The following CKM variants were observed in gnomAD, a reference collection of about 807,000 sequenced individuals.
CKM encodes the protein creatine kinase M-type.
In CKM, 28 loss-of-function variants were observed where a neutral mutation model predicts 35.4. That is an observed-to-expected ratio of 0.79 (90% CI 0.59 to 1.08). The LOEUF is 1.08. Ranked by LOEUF, CKM falls within the 50% of genes least tolerant of loss-of-function variation. The pLI is 0.00. For synonymous variants in CKM, 215 were observed against 204.4 expected (o/e 1.05, Z -0.44); for missense variants, 484 against 509.8 (o/e 0.95, Z 0.49).
intron 5 of CKM, among the ~76,000 whole-genome samples, chr19:45,310,759 CTTTTTTTTTTTTTT>C (rs3047558): frequency 8.0e-5 from 4 of 50,284 alleles, no homozygotes; most frequent in African/African-American, 9.0e-5. Context: ...TCACGCCTGG[CTTTTTTTTTTTTTT>C]TTTTTTTTTT....
Position 45,306,471 on chromosome 19 carries a change from T to C in CKM, c.*279A>G. On this transcript the variant is annotated 3_prime_UTR_variant, in exon 8 of 8. Coordinates refer to ENST00000221476, the MANE Select transcript of CKM (RefSeq NM_001824.5). This position sits in a 1 kb window ranked among gnomAD's most constrained non-coding sequence, Gnocchi z 4.5. ...GTGGAGACAAAGCACAAGCTCCGAGTGTGCTGGGAGCTCTCCATTAACTAG... is the reference window on the plus strand; with the variant it reads ...GTGGAGACAAAGCACAAGCTCCGAGCGTGCTGGGAGCTCTCCATTAACTAG... 1 of 510,618 alleles carries C rather than the reference T, an allele frequency of 2.0e-6. No individual in the cohort carries two copies. The highest frequency in any genetic ancestry group is 3.3e-5 in the East Asian group (1 of 30,180). 31.6% of individuals were successfully genotyped at this position (510,618 alleles called of 1,614,324 possible). A position where few individuals can be genotyped will look rare whatever the true frequency, so the allele number is the denominator to read the frequency against.
Position 45,306,987 on chromosome 19 carries a change from G to A in CKM, c.968-59C>T. The stretch of plus-strand genomic sequence containing the variant: ...AGCGAAGGTGCAGAGGGGCTGGGAC[G>A]TGGCCCCCGTGCCAAATGCAACAGC... On this transcript the variant is annotated intron_variant, in intron 7 of 7. Transcript: ENST00000221476. The surrounding 1 kb of genome is among the most constrained non-coding windows in gnomAD (Gnocchi z 4.5). 6.4e-7 allele frequency: 1 copy of A among 1,568,524 alleles called. No homozygotes were observed.
At chr19:45,318,172 G>T (rs1971178062) in intron 2 of CKM, among the ~76,000 whole-genome samples, 193 bp from the exon 3 acceptor site, 1 of 152,198 alleles carries the variant, frequency 6.6e-6, no homozygotes, top group South Asian at 2.1e-4. Context: ...CTTTGGGAGG[G>T]TGAGGCGGGT....
chr19:45,307,456 C>G lies in CKM; in HGVS notation c.967+5G>C, dbSNP rs748293131. On this transcript the variant is annotated splice_donor_5th_base_variant and intron_variant, in intron 7 of 7. Transcript: ENST00000221476. ...GTCGTGGTGCAAAGGATGTGGGAGC[C>G]GTACCTGTACCCCTCTTCTGCAGAC... is the stretch of plus-strand genomic sequence containing the variant. 6.2e-7 allele frequency: 1 copy of G among 1,613,452 alleles called. No homozygotes were observed. The highest frequency in any genetic ancestry group is 1.7e-5 in the Admixed American group (1 of 59,968).
At chr19:45,308,998 C>T (rs1248616246) in intron 5 of CKM, among the ~76,000 whole-genome samples, 5 of 150,858 alleles carry the variant, frequency 3.3e-5, no homozygotes, top group Non-Finnish European at 7.4e-5. Flanking sequence ...GAGGCCGAGG[C>T]GGGCGGATCA....
Position 45,315,558 on chromosome 19 carries a change from G to C in CKM, c.388C>G (p.Arg130Gly). The change falls in exon 4 of 8, where the codon CGC becomes GGC. Residue 130 changes from arginine to glycine, a missense_variant. Transcript: ENST00000221476. ...TTGATGCTGCGGCCAGTGCGGACGCGGCTGCTGAGCACGTAGTTAGGGTCC... is the reference window on the plus strand; with the variant it reads ...TTGATGCTGCGGCCAGTGCGGACGCCGCTGCTGAGCACGTAGTTAGGGTCC... ...DLDPNYVLSS[R>G]VRTGRSIKGY... 6.2e-7 allele frequency: 1 copy of C among 1,603,814 alleles called. No individual in the cohort carries two copies. Among genetic ancestry groups the C allele is most frequent in the Non-Finnish European group, 8.5e-7 (1 of 1,179,942 alleles).
intron 4 of CKM, among the ~76,000 whole-genome samples, chr19:45,313,035 CAT>C (rs956212587): frequency 2.6e-4 from 39 of 151,522 alleles, no homozygotes; most frequent in African/African-American, 9.5e-4. Context: ...TGTGTTTGTG[CAT>C]ATGTACAATA....
At chr19:45,318,065 T>G in intron 2 of CKM, 86 bp from the exon 3 acceptor site, 2 of 1,195,748 alleles carry the variant, frequency 1.7e-6, no homozygotes, top group Non-Finnish European at 2.5e-6. Flanking sequence ...TGTGTGGACA[T>G]GTGTGTCGGG....
chr19:45,315,621 G>A lies in CKM; in HGVS notation c.349-24C>T, dbSNP rs564342936. 1.2e-5 allele frequency: 20 copies of A among 1,601,302 alleles called. No individual in the cohort carries two copies. In the African/African-American group the frequency reaches 1.5e-4, roughly 12 times the overall value. On this transcript the variant is annotated intron_variant, in intron 3 of 7. Coordinates refer to ENST00000221476, the MANE Select transcript of CKM (RefSeq NM_001824.5). ...CCCTGGAGAGCGGGTGGGAGATCAG[G>A]ACCAGGCAGATCCTCCGCCCTCTCC...
chr19:45,307,043 G>C, intron 7 of CKM, 115 bp from the exon 8 acceptor site: 1 of 1,017,384 alleles, frequency 9.8e-7, no homozygotes, highest in Non-Finnish European at 1.5e-6. Flanking sequence ...TGTGTAACAG[G>C]TTACCTGCAC....
Position 45,312,041 on chromosome 19 carries a change from A to G in CKM, c.482-121T>C. ...TGGGCCTTGGCCCCCTGGATGTCCTAAAGGCACCTGAACCCTGTGTCTAAA... is the reference window on the plus strand; with the variant it reads ...TGGGCCTTGGCCCCCTGGATGTCCTGAAGGCACCTGAACCCTGTGTCTAAA... On this transcript the variant is annotated intron_variant, in intron 4 of 7. Transcript: ENST00000221476. 3 of 1,088,826 alleles carry G rather than the reference A, an allele frequency of 2.8e-6. No homozygotes were observed. In the East Asian group the frequency reaches 7.2e-5, roughly 26 times the overall value. The allele number at this position is 1,088,826 out of a possible 1,614,324, so 67.4% of individuals were successfully genotyped here. A position where few individuals can be genotyped will look rare whatever the true frequency, so the allele number is the denominator to read the frequency against.
Position 45,315,514 on chromosome 19 carries a change from TG to T in CKM, c.431del (p.Pro144HisfsTer22). 1 of 1,600,942 alleles carries T rather than the reference TG, an allele frequency of 6.2e-7. No homozygotes were observed. On this transcript the variant is annotated frameshift_variant, in exon 4 of 8. Transcript: ENST00000221476. LOFTEE classifies it high-confidence loss of function. ...CCCGGCGCTCGCCACGGGAGCAGTG[TG>T]GGGGCAACGTGTAGCCCTTGATGCT... ...GRSIKGYTLP[P>X]HCSRGERRAV...
chr19:45,319,762 A>C, intron 1 of CKM, 31 bp from the exon 2 acceptor site: 1 of 1,534,972 alleles, frequency 6.5e-7, no homozygotes, highest in East Asian at 2.3e-5. Flanking sequence ...GGAAGATTGA[A>C]GATTAGCTGG....
At chr19:45,309,303 C>T (rs1185827434) in intron 5 of CKM, among the ~76,000 whole-genome samples, 1 of 151,786 alleles carries the variant, frequency 6.6e-6, no homozygotes, top group African/African-American at 2.4e-5. Flanking sequence ...GCCTGTAATC[C>T]CAGCACTTTG....
intron 2 of CKM, 59 bp downstream of exon 2, chr19:45,319,462 G>T: frequency 2.1e-6 from 3 of 1,407,760 alleles, no homozygotes; most frequent in Non-Finnish European, 2.0e-6. Context: ...ATTGGGGCAT[G>T]GCCGGCAGCC....
chr19:45,322,599 C>T (rs867604152), intron 1 of CKM, among the ~76,000 whole-genome samples: 9 of 152,268 alleles, frequency 5.9e-5, no homozygotes, highest in South Asian at 2.1e-4. Context: ...AGACTTGTGC[C>T]GCAGAAATCA....
rs1177693327 is a variant in CKM, at chr19:45,308,280, G to C, written c.777+129C>G. On this transcript the variant is annotated intron_variant, in intron 6 of 7. Coordinates refer to ENST00000221476, the MANE Select transcript of CKM (RefSeq NM_001824.5). ...CGGGGTTTGGCATGGGGTGGAGCCA[G>C]GTCCGGGGGGCAGGGCCCTGGAAAA... 16 of 1,198,856 alleles carry C rather than the reference G, an allele frequency of 1.3e-5. No homozygotes were observed. The Middle Eastern group carries it at 8.2e-4, about 61-fold the overall frequency. The allele number at this position is 1,198,856 out of a possible 1,614,324, so 74.3% of individuals were successfully genotyped here.
chr19:45,315,370 A>G (rs377993), intron 4 of CKM, 95 bp downstream of exon 4: 723,304 of 1,411,926 alleles, frequency 0.51, 190,495 homozygotes, highest in Non-Finnish European at 0.54. Context: ...CCCTACTTTG[A>G]AAAGCGGGGG....
intron 5 of CKM, among the ~76,000 whole-genome samples, chr19:45,309,691 G>A (rs1971089497): frequency 6.6e-6 from 1 of 152,000 alleles, no homozygotes; most frequent in Admixed American, 6.6e-5. Context: ...GCAGAACGCT[G>A]TCTCTACCAA....
Sources: allele counts gnomAD v4.1 joint callset (sites outside exome capture counted in the v4.1 genomes callset), GRCh38; gene constraint gnomAD v4.1.1; non-coding constraint Gnocchi (gnomAD v3.1); transcripts MANE v1.5; gene names NCBI Gene and HGNC (gene_info 2026-07-23, HGNC 2026-07-21).